The following CDC42BPA variants were observed in gnomAD, a reference collection of about 807,000 sequenced individuals.
CDC42BPA encodes CDC42 binding protein kinase alpha.
CDC42BPA carries 80 observed loss-of-function variants against 223.5 expected under a neutral mutation model. That is an observed-to-expected ratio of 0.36 (90% CI 0.30 to 0.43). The LOEUF (loss-of-function observed/expected upper bound fraction) is 0.43. Among genes scored for constraint, CDC42BPA ranks in the 20% least tolerant of loss-of-function variants. The probability of loss-of-function intolerance (pLI) is 1.00; values close to 1 mark genes in which losing one functional copy is unlikely to be tolerated. For missense variants in CDC42BPA, 1,743 were observed against 2,099.9 expected (o/e 0.83, Z 3.32); for synonymous variants, 694 against 718.6 (o/e 0.97, Z 0.55).
chr1:227,084,089 A>G (rs947834970), intron 16 of CDC42BPA, among the ~76,000 whole-genome samples: 8 of 148,696 alleles, frequency 5.4e-5, no homozygotes, highest in Non-Finnish European at 9.0e-5. Context: ...TGTCACTCCA[A>G]TGACTTCTTA....
At chr1:227,300,050 G>A (rs2148722319) in intron 1 of CDC42BPA, among the ~76,000 whole-genome samples, 1 of 151,842 alleles carries the variant, frequency 6.6e-6, no homozygotes, top group East Asian at 1.9e-4. Flanking sequence ...ATGTAGGGAA[G>A]AGCTGGTCAG....
chr1:227,052,314 T>G (rs1420771126), intron 21 of CDC42BPA, among the ~76,000 whole-genome samples: 1 of 152,150 alleles, frequency 6.6e-6, no homozygotes, highest in Non-Finnish European at 1.5e-5. Flanking sequence ...GAATCATACA[T>G]GTGAAATAAA....
At chr1:227,104,339 A>G (rs1210227019) in intron 14 of CDC42BPA, among the ~76,000 whole-genome samples, 1 of 152,176 alleles carries the variant, frequency 6.6e-6, no homozygotes, top group Non-Finnish European at 1.5e-5. Flanking sequence ...ATAATACTGC[A>G]AAGAATTTTT....
intron 21 of CDC42BPA, among the ~76,000 whole-genome samples, chr1:227,052,587 T>C (rs545108385): frequency 2.6e-5 from 4 of 152,284 alleles, no homozygotes; most frequent in South Asian, 2.1e-4. Context: ...AAAGATCTTA[T>C]GAACCATACT....
At chr1:227,050,385 T>C (rs1467892151) in intron 22 of CDC42BPA, among the ~76,000 whole-genome samples, 1 of 152,170 alleles carries the variant, frequency 6.6e-6, no homozygotes, top group African/African-American at 2.4e-5. Context: ...GTCCAACCAC[T>C]GTGGAAAACA....
chr1:227,317,747 G>C lies in CDC42BPA; in HGVS notation c.-565C>G, dbSNP rs1000754809. The stretch of plus-strand genomic sequence containing the variant: ...ACCACCACTTGGATAATGCATCAGC[G>C]GCAATTTCTCCAGCGGGAAAGGGAG... On this transcript the variant is annotated 5_prime_UTR_variant, in exon 1 of 37. Coordinates refer to ENST00000366766, the MANE Select transcript of CDC42BPA (RefSeq NM_001394014.1). The C allele has an allele frequency of 2.5e-6, 1 of 398,354 alleles. No homozygotes were observed. The highest frequency in any genetic ancestry group is 2.1e-5 in the African/African-American group (1 of 48,630). 24.7% of individuals were successfully genotyped at this position (398,354 alleles called of 1,614,324 possible). A position where few individuals can be genotyped will look rare whatever the true frequency, so the allele number is the denominator to read the frequency against.
intron 5 of CDC42BPA, among the ~76,000 whole-genome samples, chr1:227,187,190 A>T (rs1205071321): frequency 5.3e-5 from 8 of 152,194 alleles, no homozygotes; most frequent in Admixed American, 5.2e-4. Context: ...GACTGGACAG[A>T]CATCAGAATG....
chr1:227,191,214 G>A (rs1315092061), intron 5 of CDC42BPA, among the ~76,000 whole-genome samples: 4 of 151,800 alleles, frequency 2.6e-5, no homozygotes, highest in African/African-American at 4.8e-5. Context: ...GCTTCATGGC[G>A]CATGACTGTA....
intron 6 of CDC42BPA, among the ~76,000 whole-genome samples, chr1:227,155,920 G>C (rs533521404): frequency 6.6e-6 from 1 of 152,222 alleles, no homozygotes; most frequent in South Asian, 2.1e-4. Context: ...TGGTAGGATA[G>C]TATGAGTTAG....
chr1:227,041,163 T>C (rs1463038638), intron 23 of CDC42BPA, among the ~76,000 whole-genome samples: 1 of 152,096 alleles, frequency 6.6e-6, no homozygotes, highest in African/African-American at 2.4e-5. Flanking sequence ...TTTCAACTCT[T>C]ATTTTAGATT....
At chr1:227,056,683 G>A (rs1367344408) in intron 21 of CDC42BPA, among the ~76,000 whole-genome samples, 1 of 152,144 alleles carries the variant, frequency 6.6e-6, no homozygotes, top group Non-Finnish European at 1.5e-5. Context: ...GAGCTACCAT[G>A]CCTGGCCAAA....
chr1:226,994,178 GCCGAGCAGGCGA>G lies in CDC42BPA; in HGVS notation c.*78_*89del. 1.5e-6 allele frequency: 2 copies of G among 1,349,944 alleles called. No homozygotes were observed. Among genetic ancestry groups the G allele is most frequent in the South Asian group, 2.7e-5 (2 of 73,286 alleles). 83.6% of individuals were successfully genotyped at this position (1,349,944 alleles called of 1,614,324 possible). ...GCTGCCAGCCCCTGGTGGCTTTCAG[GCCGAGCAGGCGA>G]GGTGGAGGGAAGAGATGAAAGTGAG... On this transcript the variant is annotated 3_prime_UTR_variant, in exon 37 of 37. Transcript: ENST00000366766. This position sits in a 1 kb window ranked among gnomAD's most constrained non-coding sequence, Gnocchi z 4.0.
At chr1:227,178,670 T>TTTTTAGTAGAGACGGGGTTTCTGTA (rs1667383407) in intron 5 of CDC42BPA, among the ~76,000 whole-genome samples, 1 of 152,292 alleles carries the variant, frequency 6.6e-6, no homozygotes, top group African/African-American at 2.4e-5. Flanking sequence ...TAATGTTGTA[T>TTTTTAGTAGAGACGGGGTTTCTGTA]TTTTAGTAGA....
intron 1 of CDC42BPA, among the ~76,000 whole-genome samples, chr1:227,271,534 C>G (rs980104481): frequency 6.6e-6 from 1 of 151,836 alleles, no homozygotes. Context: ...GTGGGGAGAA[C>G]GATACAAATG....
chr1:227,236,962 G>A (rs924891531), intron 2 of CDC42BPA, among the ~76,000 whole-genome samples: 8 of 144,554 alleles, frequency 5.5e-5, no homozygotes, highest in Non-Finnish European at 1.0e-4. Context: ...AGGATCAACT[G>A]AGCTCAAGAG....
intron 2 of CDC42BPA, among the ~76,000 whole-genome samples, chr1:227,214,279 G>A (rs1209395582): frequency 2.0e-5 from 3 of 151,652 alleles, no homozygotes; most frequent in Non-Finnish European, 4.4e-5. Flanking sequence ...ATTTGGATCA[G>A]ACTGCAATAA....
At chr1:227,193,273 C>T (rs886692262) in intron 5 of CDC42BPA, among the ~76,000 whole-genome samples, 2 of 151,732 alleles carry the variant, frequency 1.3e-5, no homozygotes, top group African/African-American at 4.8e-5. Flanking sequence ...GGAGTTTCAC[C>T]GTGGTCTCGA....
intron 1 of CDC42BPA, among the ~76,000 whole-genome samples, chr1:227,280,169 G>C (rs1398846258): frequency 2.0e-5 from 3 of 152,182 alleles, no homozygotes; most frequent in African/African-American, 7.2e-5. Flanking sequence ...TAATTCAAAT[G>C]AATGTGTTAT....
At chr1:227,204,737 T>G (rs1672366367) in intron 3 of CDC42BPA, among the ~76,000 whole-genome samples, 1 of 152,198 alleles carries the variant, frequency 6.6e-6, no homozygotes, top group Non-Finnish European at 1.5e-5. Flanking sequence ...GTTTCTCTCC[T>G]GTTTTGAAAT....
Sources: gnomAD v4.1 joint callset for allele counts (sites outside exome capture counted in the v4.1 genomes callset) on GRCh38, gnomAD v4.1.1 for gene constraint, Gnocchi (gnomAD v3.1) non-coding constraint, MANE v1.5 for transcripts, NCBI Gene and HGNC (gene_info 2026-07-23, HGNC 2026-07-21) for gene names.